Variants in ZNF804A observed in about 807,000 individuals in gnomAD.
The protein encoded by ZNF804A is zinc finger protein 804A.
A neutral mutation model predicts 16.5 loss-of-function variants in ZNF804A; 2 were observed. The observed-to-expected ratio is 0.12, with a 90% CI of 0.05 to 0.38. The LOEUF is 0.38. Among genes scored for constraint, ZNF804A ranks in the 10% least tolerant of loss-of-function variants. ZNF804A has a pLI of 0.99. For synonymous variants in ZNF804A, 534 were observed against 489.6 expected (o/e 1.09, Z -1.20); for missense variants, 1,473 against 1,390.7 (o/e 1.06, Z -0.94).
chr2:184,651,260 A>G (rs979440898), intron 1 of ZNF804A, among the ~76,000 whole-genome samples: 1 of 152,186 alleles, frequency 6.6e-6, no homozygotes, highest in African/African-American at 2.4e-5. Context: ...TGGAAACTAG[A>G]GCCTTACCTT....
At chr2:184,631,917 G>C (rs1691617081) in intron 1 of ZNF804A, among the ~76,000 whole-genome samples, 1 of 151,918 alleles carries the variant, frequency 6.6e-6, no homozygotes, top group Non-Finnish European at 1.5e-5. Flanking sequence ...ATGAAGTTGG[G>C]GATCAAACAG....
chr2:184,663,092 G>A (rs890097766), intron 1 of ZNF804A, among the ~76,000 whole-genome samples: 3 of 152,216 alleles, frequency 2.0e-5, no homozygotes, highest in South Asian at 2.1e-4. Flanking sequence ...AAGGCTGCAT[G>A]CTCAATGGAC....
chr2:184,846,111 G>A (rs1175768440), intron 1 of ZNF804A, among the ~76,000 whole-genome samples: 1 of 152,058 alleles, frequency 6.6e-6, no homozygotes, highest in Non-Finnish European at 1.5e-5. Flanking sequence ...ATGTGTCAGA[G>A]CTGAAACCAG....
At chr2:184,868,322 G>T (rs1407275598) in intron 2 of ZNF804A, among the ~76,000 whole-genome samples, 1 of 152,026 alleles carries the variant, frequency 6.6e-6, no homozygotes, top group Non-Finnish European at 1.5e-5. Flanking sequence ...CTTTGAGCGT[G>T]TCTTCCTAGA....
chr2:184,824,613 A>G (rs1695131775), intron 1 of ZNF804A, among the ~76,000 whole-genome samples: 1 of 152,190 alleles, frequency 6.6e-6, no homozygotes, highest in Non-Finnish European at 1.5e-5. Context: ...TTTCTGCCTA[A>G]GAACAAACTA....
chr2:184,925,318 A>G (rs978691553), intron 2 of ZNF804A, among the ~76,000 whole-genome samples: 38 of 151,824 alleles, frequency 2.5e-4, no homozygotes, highest in Middle Eastern at 3.4e-3. Flanking sequence ...AGTTGTTGTC[A>G]TCGAATCTGT....
chr2:184,838,056 G>A (rs1695381612), intron 1 of ZNF804A, among the ~76,000 whole-genome samples: 1 of 152,104 alleles, frequency 6.6e-6, no homozygotes, highest in Non-Finnish European at 1.5e-5. Flanking sequence ...GAACATGCAG[G>A]AGTGCACGTG....
intron 1 of ZNF804A, among the ~76,000 whole-genome samples, chr2:184,865,009 A>G (rs2105810605): frequency 6.6e-6 from 1 of 150,784 alleles, no homozygotes; most frequent in Admixed American, 6.7e-5. Context: ...GCCTCCGAGT[A>G]GCTGGGATTA....
At chr2:184,779,563 G>A (rs957420980) in intron 1 of ZNF804A, among the ~76,000 whole-genome samples, 1 of 151,700 alleles carries the variant, frequency 6.6e-6, no homozygotes, top group Non-Finnish European at 1.5e-5. Flanking sequence ...GGATTATGGA[G>A]ATGGGCCCAA....
intron 1 of ZNF804A, among the ~76,000 whole-genome samples, chr2:184,854,785 G>A (rs1478167479): frequency 6.6e-6 from 1 of 151,978 alleles, no homozygotes; most frequent in African/African-American, 2.4e-5. Flanking sequence ...TCTTGATTGT[G>A]TTTTGAAAGA....
At chr2:184,742,361 A>G (rs535771557) in intron 1 of ZNF804A, among the ~76,000 whole-genome samples, 84 of 152,130 alleles carry the variant, frequency 5.5e-4, no homozygotes, top group Non-Finnish European at 9.7e-4. Context: ...CCTTTCAAGT[A>G]TTCAATTTCA....
rs140642686 is a variant in ZNF804A at position 184,863,989 on chromosome 2, A to G, written c.112-2380A>G. Among the ~76,000 whole-genome samples, 35 of 152,296 alleles carry G rather than the reference A, an allele frequency of 2.3e-4. No homozygotes were observed. In the East Asian group the frequency reaches 6.8e-3, roughly 29 times the overall value. ...TGAGAAATGGTGCATTACTTATTGA[A>G]ATTGATGGAATTATGCATAAAAAAT... is the stretch of plus-strand genomic sequence containing the variant. On this transcript the variant is annotated intron_variant, in intron 1 of 3. Transcript: ENST00000302277.
At chr2:184,908,563 G>T (rs1013534679) in intron 2 of ZNF804A, among the ~76,000 whole-genome samples, 1 of 152,046 alleles carries the variant, frequency 6.6e-6, no homozygotes, top group Non-Finnish European at 1.5e-5. Context: ...TCTACCACAG[G>T]CATCCATGGG....
At chr2:184,694,521 T>A (rs781545617) in intron 1 of ZNF804A, among the ~76,000 whole-genome samples, 1 of 152,200 alleles carries the variant, frequency 6.6e-6, no homozygotes, top group Non-Finnish European at 1.5e-5. Context: ...TACATGTGTG[T>A]TTATATGGTA....
intron 1 of ZNF804A, among the ~76,000 whole-genome samples, chr2:184,715,646 T>C (rs1693200807): frequency 1.3e-5 from 2 of 152,086 alleles, no homozygotes; most frequent in South Asian, 4.1e-4. Flanking sequence ...AGCCATCAAC[T>C]CGCCCCAACC....
At chr2:184,682,876 T>C (rs1303891962) in intron 1 of ZNF804A, among the ~76,000 whole-genome samples, 1 of 152,084 alleles carries the variant, frequency 6.6e-6, no homozygotes, top group Non-Finnish European at 1.5e-5. Context: ...AGCATGGTGG[T>C]GTACCCCTGT....
intron 1 of ZNF804A, among the ~76,000 whole-genome samples, chr2:184,822,923 G>A (rs1695104724): frequency 6.6e-6 from 1 of 152,184 alleles, no homozygotes; most frequent in Non-Finnish European, 1.5e-5. Flanking sequence ...ATATGTGTAT[G>A]TGTATGTGTG....
chr2:184,840,252 T>A (rs915470788), intron 1 of ZNF804A, among the ~76,000 whole-genome samples: 3 of 152,080 alleles, frequency 2.0e-5, no homozygotes, highest in Admixed American at 1.3e-4. Context: ...TACCTGGACA[T>A]GGTGGCACCC....
intron 1 of ZNF804A, among the ~76,000 whole-genome samples, chr2:184,781,714 C>T (rs1298029889): frequency 6.6e-6 from 1 of 151,746 alleles, no homozygotes; most frequent in African/African-American, 2.4e-5. Flanking sequence ...AGGGTTTTAG[C>T]TCACAGTAAC....
Sources: allele counts gnomAD v4.1 joint callset (sites outside exome capture counted in the v4.1 genomes callset), GRCh38; gene constraint gnomAD v4.1.1; transcripts MANE v1.5; gene names NCBI Gene and HGNC (gene_info 2026-07-23, HGNC 2026-07-21).